PTPRD: variants seen among roughly 807,000 people sequenced by gnomAD.
The protein encoded by PTPRD is protein tyrosine phosphatase receptor type D, also known as receptor-type tyrosine-protein phosphatase delta.
PTPRD carries 34 observed loss-of-function variants against 214.5 expected under a neutral mutation model. The observed-to-expected ratio is 0.16, with a 90% CI of 0.12 to 0.21. The LOEUF is 0.21. Ranked by LOEUF, PTPRD falls within the 10% of genes least tolerant of loss-of-function variation. The pLI, the probability that PTPRD is intolerant of heterozygous loss-of-function variation, is 1.00. For synonymous variants in PTPRD, 1,128 were observed against 845.7 expected, an observed-to-expected ratio of 1.33 and a Z score of -5.79; for missense variants, 2,545 against 2,398.7, an observed-to-expected ratio of 1.06 and a Z score of -1.27.
In PTPRD at chr9:8,972,583, A is replaced by G. The variant is rs552387218; in HGVS notation, c.-104+46114T>C. 1.5e-3 allele frequency among the ~76,000 whole-genome samples: 228 copies of G among 152,036 alleles called. 1 individual carries two copies. Among genetic ancestry groups the G allele is most frequent in the Non-Finnish European group, 2.6e-3 (174 of 67,884 alleles). On this transcript the variant is annotated intron_variant, in intron 11 of 45. Coordinates refer to ENST00000381196, the MANE Select transcript of PTPRD (RefSeq NM_002839.4). ...AAAAGAACAAATTAAATGGAAGTGA[A>G]TATTTATTGAGGACTGTTAGTCAAT...
chr9:8,411,674 G>C (rs947598605), intron 35 of PTPRD, among the ~76,000 whole-genome samples: 2 of 152,180 alleles, frequency 1.3e-5, no homozygotes, highest in Non-Finnish European at 1.5e-5. Context: ...GACATTTCTA[G>C]TTTCCAAAGA....
rs184947156 is a variant in PTPRD, at chr9:8,573,696, A to G, written c.353-44917T>C. 2.0e-3 allele frequency among the ~76,000 whole-genome samples: 304 copies of G among 152,052 alleles called. 1 individual carries two copies. The highest frequency in any genetic ancestry group is 3.0e-3 in the Non-Finnish European group (201 of 67,822). On this transcript the variant is annotated intron_variant, in intron 14 of 45. Transcript: ENST00000381196. ...AAAAATGATAAAAAATATTCTCTTT[A>G]TCCAAAAAAGTTGCATAATTTTTAT...
intron 2 of PTPRD, among the ~76,000 whole-genome samples, chr9:10,577,804 G>C (rs1254920101): frequency 6.6e-6 from 1 of 151,958 alleles, no homozygotes. Flanking sequence ...AAATATTTTT[G>C]AAGGCCTTCA....
intron 8 of PTPRD, among the ~76,000 whole-genome samples, chr9:9,491,100 G>A (rs1008518382): frequency 6.6e-6 from 1 of 151,642 alleles, no homozygotes; most frequent in South Asian, 2.1e-4. Context: ...TTAAAGGATG[G>A]AAAAAAACAT....
chr9:10,350,602 A>T (rs1482002993), intron 2 of PTPRD, among the ~76,000 whole-genome samples: 2 of 152,294 alleles, frequency 1.3e-5, no homozygotes, highest in East Asian at 3.9e-4. Context: ...CAGAGGTGCC[A>T]AAAGATAAGT....
chr9:9,529,329 C>T (rs1222778964), intron 8 of PTPRD, among the ~76,000 whole-genome samples: 1 of 147,712 alleles, frequency 6.8e-6, no homozygotes, highest in East Asian at 2.0e-4. Flanking sequence ...CTTTGAAAGA[C>T]TAGTAACAAA....
At position 9,742,936 on chromosome 9, in the gene PTPRD, A is replaced by G. The variant is rs576994536; in HGVS notation, c.-325-8365T>C. ...GAGACCTAAAATCAATTATACTGTT[A>G]CTATCCTTCTTTAGTGTCTTCCTTT... On this transcript the variant is annotated intron_variant, in intron 6 of 45. Transcript: ENST00000381196. Among the ~76,000 whole-genome samples, 3 of 152,326 alleles carry G rather than the reference A, an allele frequency of 2.0e-5. No homozygotes were observed. The East Asian group carries it at 5.8e-4, about 29-fold the overall frequency.
At chr9:9,529,273 A>C (rs1206807628) in intron 8 of PTPRD, among the ~76,000 whole-genome samples, 3 of 131,314 alleles carry the variant, frequency 2.3e-5, no homozygotes, top group African/African-American at 9.6e-5. Context: ...AACTCCAAAC[A>C]AAAAAAAAAA....
At chr9:8,532,402 T>C (rs917968778) in intron 14 of PTPRD, among the ~76,000 whole-genome samples, 15 of 152,104 alleles carry the variant, frequency 9.9e-5, no homozygotes, top group African/African-American at 3.6e-4. Flanking sequence ...CTTGGCCATT[T>C]GATAACATCA....
At chr9:9,880,853 T>C (rs1418158801) in intron 5 of PTPRD, among the ~76,000 whole-genome samples, 5 of 152,178 alleles carry the variant, frequency 3.3e-5, no homozygotes, top group Non-Finnish European at 7.3e-5. Flanking sequence ...GTCATTTATT[T>C]TTTTTTCCTA....
At chr9:8,660,411 G>T (rs940729516) in intron 12 of PTPRD, among the ~76,000 whole-genome samples, 1 of 152,156 alleles carries the variant, frequency 6.6e-6, no homozygotes, top group Non-Finnish European at 1.5e-5. Context: ...GGTGGCAGAT[G>T]ACTGGGTCAG....
chr9:8,583,917 C>T (rs2093410155), intron 14 of PTPRD, among the ~76,000 whole-genome samples: 1 of 152,136 alleles, frequency 6.6e-6, no homozygotes, highest in African/African-American at 2.4e-5. Flanking sequence ...TTTGGGAAGC[C>T]AAGGCGGGCA....
In PTPRD at chr9:10,455,243, A is replaced by G. The variant is rs185299361; in HGVS notation, c.-599-114226T>C. On this transcript the variant is annotated intron_variant, in intron 2 of 45. Transcript: ENST00000381196. Reference sequence around the variant, plus strand: ...TTTCCAATTGTTTTTTTCTTTCATTACTTTACGTGAAAGAATTCCCATTGT... The same window carrying G: ...TTTCCAATTGTTTTTTTCTTTCATTGCTTTACGTGAAAGAATTCCCATTGT... 2.0e-5 allele frequency among the ~76,000 whole-genome samples: 3 copies of G among 151,566 alleles called. No homozygotes were observed. In the East Asian group the frequency reaches 5.8e-4, roughly 29 times the overall value.
At chr9:9,034,921 T>A (rs2099616720) in intron 10 of PTPRD, among the ~76,000 whole-genome samples, 1 of 152,136 alleles carries the variant, frequency 6.6e-6, no homozygotes, top group African/African-American at 2.4e-5. Context: ...AATCAAGAAC[T>A]TTCAGTGCCT....
chr9:10,403,911 A>G (rs964562471), intron 2 of PTPRD, among the ~76,000 whole-genome samples: 28 of 151,674 alleles, frequency 1.8e-4, no homozygotes, highest in Admixed American at 1.8e-3. Context: ...GTACGATACT[A>G]TAAAGGTAGA....
At chr9:9,506,102 C>A (rs926138643) in intron 8 of PTPRD, among the ~76,000 whole-genome samples, 2 of 151,378 alleles carry the variant, frequency 1.3e-5, no homozygotes, top group Non-Finnish European at 3.0e-5. Flanking sequence ...GAAAACCAGG[C>A]TAAAAATATT....
At chr9:9,407,163 C>T (rs2073777045) in intron 8 of PTPRD, among the ~76,000 whole-genome samples, 1 of 151,770 alleles carries the variant, frequency 6.6e-6, no homozygotes, top group African/African-American at 2.4e-5. Flanking sequence ...TTATCGATAT[C>T]TGAAATTTAA....
At chr9:10,436,067 C>T (rs2154521985) in intron 2 of PTPRD, among the ~76,000 whole-genome samples, 1 of 151,886 alleles carries the variant, frequency 6.6e-6, no homozygotes, top group East Asian at 1.9e-4. Context: ...TTTGAAAAGT[C>T]ATTTAGTAAA....
At chr9:9,016,480 A>C (rs1023379290) in intron 11 of PTPRD, among the ~76,000 whole-genome samples, 2 of 152,112 alleles carry the variant, frequency 1.3e-5, no homozygotes, top group African/African-American at 4.8e-5. Flanking sequence ...TTTACATGAG[A>C]GAATATATGT....
Sources: allele counts gnomAD v4.1 joint callset (sites outside exome capture counted in the v4.1 genomes callset), GRCh38; gene constraint gnomAD v4.1.1; transcripts MANE v1.5; gene names NCBI Gene and HGNC (gene_info 2026-07-23, HGNC 2026-07-21).